Variants in NDUFAF6 observed in about 807,000 individuals in gnomAD.
NDUFAF6 encodes the protein NADH:ubiquinone oxidoreductase complex assembly factor 6.
A neutral mutation model predicts 40.8 loss-of-function variants in NDUFAF6; 45 were observed. The observed-to-expected ratio is 1.10, with a 90% confidence interval of 0.87 to 1.42. NDUFAF6 has a LOEUF of 1.42. Among genes scored for constraint, NDUFAF6 ranks in the 40% most tolerant of loss-of-function variants. The pLI, the probability that NDUFAF6 is intolerant of heterozygous loss-of-function variation, is 0.00. For missense variants in NDUFAF6, 435 were observed against 418.5 expected (o/e 1.04, Z -0.34); for synonymous variants, 185 against 155.9 (o/e 1.19, Z -1.39).
downstream of NDUFAF6, among the ~76,000 whole-genome samples, chr8:95,059,094 G>T (rs1305958667): frequency 6.6e-6 from 1 of 152,018 alleles, no homozygotes; most frequent in Non-Finnish European, 1.5e-5. Flanking sequence ...CATCCCAATT[G>T]GAAAAACCCA....
intron 1 of NDUFAF6, among the ~76,000 whole-genome samples, chr8:94,905,558 C>G (rs1307524776): frequency 6.6e-6 from 1 of 152,168 alleles, no homozygotes; most frequent in Non-Finnish European, 1.5e-5. Context: ...CCAGAGCTTC[C>G]CTGGTCCTTC....
intron 1 of NDUFAF6, among the ~76,000 whole-genome samples, chr8:94,915,558 C>T (rs1334792810): frequency 6.6e-6 from 1 of 152,134 alleles, no homozygotes; most frequent in East Asian, 1.9e-4. Flanking sequence ...TTTGGTAGAA[C>T]AATTTATTTT....
intron 2 of NDUFAF6, among the ~76,000 whole-genome samples, chr8:95,007,248 T>C (rs1394221463): frequency 6.6e-6 from 1 of 152,058 alleles, no homozygotes; most frequent in Non-Finnish European, 1.5e-5. Flanking sequence ...TAAAATAAGG[T>C]TTTAAAAATT....
intron 2 of NDUFAF6, among the ~76,000 whole-genome samples, chr8:95,092,974 C>T (rs1056416746): frequency 2.6e-5 from 4 of 152,212 alleles, no homozygotes; most frequent in East Asian, 3.8e-4. Flanking sequence ...CTCTACTGAT[C>T]GGCAATTTCA....
At chr8:94,960,583 T>G (rs1823483776) in intron 1 of NDUFAF6, among the ~76,000 whole-genome samples, 2 of 152,230 alleles carry the variant, frequency 1.3e-5, no homozygotes, top group African/African-American at 2.4e-5. Flanking sequence ...TCAGTAATTT[T>G]ATTCCAATTG....
At position 95,072,270 on chromosome 8, in the gene NDUFAF6, C is replaced by A. The variant is rs549992279; in HGVS notation, c.*512-3363C>A. 2.0e-5 allele frequency among the ~76,000 whole-genome samples: 3 copies of A among 152,292 alleles called. No individual in the cohort carries two copies. The East Asian group carries it at 5.8e-4, about 29-fold the overall frequency. On this transcript the variant is annotated intron_variant and NMD_transcript_variant, in intron 9 of 9. Coordinates refer to the NDUFAF6 transcript ENST00000520757. ...CCAGGGCTGCTCCCCATGCCAGAAC[C>A]CTCCCTGTCCCCTAAGAACCTGACT...
At chr8:95,000,233 A>T (rs1250762968) in intron 2 of NDUFAF6, among the ~76,000 whole-genome samples, 1 of 152,150 alleles carries the variant, frequency 6.6e-6, no homozygotes, top group Admixed American at 6.5e-5. Context: ...GCTACTCTGG[A>T]GGCTAAGGCA....
downstream of NDUFAF6, among the ~76,000 whole-genome samples, chr8:95,105,770 G>A (rs1440338575): frequency 6.6e-6 from 1 of 151,738 alleles, no homozygotes; most frequent in African/African-American, 2.4e-5. Flanking sequence ...CAAATTGCTG[G>A]GATTACAGGC....
intron 2 of NDUFAF6, among the ~76,000 whole-genome samples, chr8:95,094,714 CTCTT>C (rs1379762173): frequency 6.7e-6 from 1 of 150,330 alleles, no homozygotes; most frequent in Non-Finnish European, 1.5e-5. Context: ...TGCGTCTGGC[CTCTT>C]TCTTTCTTTT....
At chr8:95,014,752 G>A (rs28712702) in intron 2 of NDUFAF6, among the ~76,000 whole-genome samples, 21,840 of 152,142 alleles carry the variant, frequency 0.14, 1,594 homozygotes, top group Middle Eastern at 0.25. Flanking sequence ...GCACAGCTAG[G>A]ATTTGGGGAT....
chr8:94,912,732 G>A (rs943525691), intron 1 of NDUFAF6, among the ~76,000 whole-genome samples: 15 of 151,642 alleles, frequency 9.9e-5, no homozygotes, highest in Non-Finnish European at 1.6e-4. Context: ...AGAATGGCGT[G>A]AACCCGGGAG....
intron 1 of NDUFAF6, among the ~76,000 whole-genome samples, chr8:94,915,120 ATTTT>A (rs562630491): frequency 1.4e-5 from 2 of 146,758 alleles, no homozygotes; most frequent in Non-Finnish European, 3.0e-5. Flanking sequence ...CGCATCTTAA[ATTTT>A]TTTTTTTTAA....
chr8:95,028,179 A>G (rs999238051), intron 1 of NDUFAF6, among the ~76,000 whole-genome samples: 9 of 152,174 alleles, frequency 5.9e-5, no homozygotes, highest in African/African-American at 1.2e-4. Flanking sequence ...TCTCAACTCA[A>G]TCGAAGTCAG....
At chr8:94,923,207 GC>G (rs1249519992) in intron 1 of NDUFAF6, among the ~76,000 whole-genome samples, 8 of 152,196 alleles carry the variant, frequency 5.3e-5, no homozygotes, top group African/African-American at 1.9e-4. Context: ...ATAGCATGAA[GC>G]AGGTAAGGTG....
chr8:95,041,728 G>A, intron 4 of NDUFAF6, 102 bp downstream of exon 4: 1 of 1,001,412 alleles, frequency 1.0e-6, no homozygotes, highest in South Asian at 1.3e-5. Flanking sequence ...ATATTTTGGA[G>A]GAAGGAAACT....
chr8:95,040,814 T>C (rs1285095000), intron 3 of NDUFAF6: 1 of 152,212 alleles, frequency 6.6e-6, no homozygotes, highest in Non-Finnish European at 1.5e-5. Context: ...CACAATAAGA[T>C]ATTCTAGGAT....
intron 1 of NDUFAF6, among the ~76,000 whole-genome samples, chr8:94,916,073 A>G (rs1819103854): frequency 6.6e-6 from 1 of 152,234 alleles, no homozygotes. Flanking sequence ...CAATTTAAGC[A>G]AAATGGTGTG....
intron 1 of NDUFAF6, among the ~76,000 whole-genome samples, chr8:94,967,940 CAAA>C (rs56332377): frequency 2.2e-4 from 30 of 134,782 alleles, no homozygotes; most frequent in Admixed American, 1.5e-4. Flanking sequence ...GACTCTGTCT[CAAA>C]AAAAAAAAAA....
downstream of NDUFAF6, among the ~76,000 whole-genome samples, chr8:95,106,003 C>T (rs947348956): frequency 7.3e-5 from 11 of 150,540 alleles, no homozygotes; most frequent in South Asian, 2.2e-4. Flanking sequence ...GGACCAGGTG[C>T]GGTGGCTCAT....
Sources: allele counts gnomAD v4.1 joint callset (sites outside exome capture counted in the v4.1 genomes callset), GRCh38; gene constraint gnomAD v4.1.1; transcripts MANE v1.5; gene names NCBI Gene and HGNC (gene_info 2026-07-23, HGNC 2026-07-21).